The following SLC23A2 variants were observed in gnomAD, a reference collection of about 807,000 sequenced individuals.
The protein encoded by SLC23A2 is Na(+)/L-ascorbic acid transporter 2.
A neutral mutation model predicts 73.3 loss-of-function variants in SLC23A2; 36 were observed. The observed-to-expected ratio is 0.49, with a 90% CI of 0.38 to 0.65. The LOEUF (loss-of-function observed/expected upper bound fraction) is 0.65. SLC23A2 is among the 30% of genes least tolerant of loss of function. The pLI, the probability that SLC23A2 is intolerant of heterozygous loss-of-function variation, is 0.00. For missense variants in SLC23A2, 507 were observed against 841.6 expected (o/e 0.60, Z 4.92); for synonymous variants, 343 against 327.3 (o/e 1.05, Z -0.52).
At chr20:4,905,393 G>A (rs935614982) in intron 4 of SLC23A2, among the ~76,000 whole-genome samples, 11 of 152,288 alleles carry the variant, frequency 7.2e-5, no homozygotes, top group African/African-American at 2.4e-4. Context: ...TGCACTCTAC[G>A]CACTGTGGCG....
At chr20:4,879,753 T>A (rs73599326) in intron 9 of SLC23A2, among the ~76,000 whole-genome samples, 2,272 of 152,310 alleles carry the variant, frequency 0.015, 49 homozygotes, top group African/African-American at 0.052. Context: ...TAATATTTGA[T>A]CATCTGTGAA....
intron 4 of SLC23A2, among the ~76,000 whole-genome samples, chr20:4,911,487 T>C (rs1258926752): frequency 6.6e-6 from 1 of 152,240 alleles, no homozygotes; most frequent in Non-Finnish European, 1.5e-5. Flanking sequence ...CTCACCATGC[T>C]AATACCCAAC....
upstream of SLC23A2, among the ~76,000 whole-genome samples, chr20:5,003,963 C>A (rs1019729104): frequency 6.6e-6 from 1 of 152,090 alleles, no homozygotes; most frequent in African/African-American, 2.4e-5. Flanking sequence ...TATCCATACA[C>A]CCCCCTTCCC....
chr20:4,996,113 A>G (rs1054237402), intron 1 of SLC23A2, among the ~76,000 whole-genome samples: 4 of 152,148 alleles, frequency 2.6e-5, no homozygotes, highest in African/African-American at 4.8e-5. Context: ...AAAGTGCCCA[A>G]TGCATAATCA....
rs377650981 is a variant in SLC23A2 at position 4,989,699 on chromosome 20, TAA to T, written c.-282+11705_-282+11706del. On this transcript the variant is annotated intron_variant, in intron 1 of 16. Coordinates refer to ENST00000338244, the MANE Select transcript of SLC23A2 (RefSeq NM_005116.6). ...AAAAAAAAAAAATTTGCATATGAAA[TAA>T]AGTTTTGACTGCAACCCATGACATG... Among the ~76,000 whole-genome samples, 713 of 151,862 alleles carry T rather than the reference TAA, an allele frequency of 4.7e-3. 2 individuals carry two copies. The highest frequency in any genetic ancestry group is 0.016 in the African/African-American group (675 of 41,390).
rs117938718 is a variant in SLC23A2 at position 4,867,914 on chromosome 20, T to C, written c.1251-39A>G. On this transcript the variant is annotated intron_variant, in intron 12 of 16. Transcript: ENST00000338244. ...GAATGGAGGAAAGAAAATCATTCAA[T>C]GGGATAATGCATTCACTCTGAAATA... 2.8e-3 allele frequency: 3,308 copies of C among 1,166,450 alleles called. 10 individuals are homozygous for C. Among genetic ancestry groups the C allele is most frequent in the Non-Finnish European group, 3.7e-3 (2,832 of 774,930 alleles). The allele number at this position is 1,166,450 out of a possible 1,614,324, so 72.3% of individuals were successfully genotyped here. A position where few individuals can be genotyped will look rare whatever the true frequency, so the allele number is the denominator to read the frequency against.
At position 4,965,721 on chromosome 20, in the gene SLC23A2, C is replaced by T. The variant is rs180874123; in HGVS notation, c.-155+5072G>A. On this transcript the variant is annotated intron_variant, in intron 2 of 16. Transcript: ENST00000338244. ...GTGGCTCAAGCCTGTAATCCCAGCACTTTGGGAGGCCAAGGGAGGCAGATC... is the reference window on the plus strand; with the variant it reads ...GTGGCTCAAGCCTGTAATCCCAGCATTTTGGGAGGCCAAGGGAGGCAGATC... Among the ~76,000 whole-genome samples, 964 of 152,250 alleles carry T rather than the reference C, an allele frequency of 6.3e-3. 46 individuals are homozygous for T. In the South Asian group the frequency reaches 0.14, roughly 22 times the overall value.
chr20:4,907,814 A>C (rs2122884747), intron 4 of SLC23A2, among the ~76,000 whole-genome samples: 1 of 152,270 alleles, frequency 6.6e-6, no homozygotes, highest in Admixed American at 6.5e-5. Flanking sequence ...TCAATGGATT[A>C]ATGAAAAAAT....
intron 2 of SLC23A2, among the ~76,000 whole-genome samples, chr20:4,937,539 C>T (rs1350996218): frequency 6.6e-6 from 1 of 152,148 alleles, no homozygotes; most frequent in Non-Finnish European, 1.5e-5. Context: ...AAATAAATGA[C>T]AGTTATTTCT....
At chr20:5,007,161 A>G (rs1344562103) in intron 1 of SLC23A2, among the ~76,000 whole-genome samples, 2 of 151,966 alleles carry the variant, frequency 1.3e-5, no homozygotes, top group African/African-American at 4.8e-5. Context: ...GCTTGCTTTT[A>G]TTTTTTTTGA....
In SLC23A2 at chr20:4,879,026, C is replaced by T. The variant is rs776737483; in HGVS notation, c.825-4330G>A. Among the ~76,000 whole-genome samples, 10 of 152,282 alleles carry T rather than the reference C, an allele frequency of 6.6e-5. 1 individual carries two copies. In the South Asian group the frequency reaches 1.4e-3, roughly 22 times the overall value. On this transcript the variant is annotated intron_variant, in intron 9 of 16. Transcript: ENST00000338244. Reference sequence around the variant, plus strand: ...AATGATACCCGTGATAATAAACAAGCTTATTTAAGTTCCTGACTTCAAAAG... The same window carrying T: ...AATGATACCCGTGATAATAAACAAGTTTATTTAAGTTCCTGACTTCAAAAG...
rs548684799 is a variant in SLC23A2, at chr20:4,933,488, G to C, written c.-154-772C>G. On this transcript the variant is annotated intron_variant, in intron 2 of 16. Coordinates refer to ENST00000338244, the MANE Select transcript of SLC23A2 (RefSeq NM_005116.6). Reference sequence around the variant, plus strand: ...TAATAATAATACAAAAATCAGCCAGGAGTGGTGGTGCACGCCTGTAATCCC... The same window carrying C: ...TAATAATAATACAAAAATCAGCCAGCAGTGGTGGTGCACGCCTGTAATCCC... Among the ~76,000 whole-genome samples the C allele has an allele frequency of 1.1e-3, 163 of 152,132 alleles. 1 individual carries two copies. The highest frequency in any genetic ancestry group is 3.1e-3 in the African/African-American group (127 of 41,494).
At chr20:4,873,022 T>C (rs1189848632) in intron 11 of SLC23A2, among the ~76,000 whole-genome samples, 4 of 152,220 alleles carry the variant, frequency 2.6e-5, no homozygotes, top group Admixed American at 2.0e-4. Flanking sequence ...CCCAAAGTGC[T>C]GGGGTTACAG....
At chr20:4,940,458 T>C (rs2087022887) in intron 2 of SLC23A2, among the ~76,000 whole-genome samples, 1 of 151,608 alleles carries the variant, frequency 6.6e-6, no homozygotes, top group African/African-American at 2.4e-5. Context: ...CTATTAGTCA[T>C]TAAAAAAAAA....
At chr20:4,915,939 C>A (rs1029192975) in intron 3 of SLC23A2, among the ~76,000 whole-genome samples, 1 of 152,098 alleles carries the variant, frequency 6.6e-6, no homozygotes, top group Admixed American at 6.5e-5. Context: ...CAGAGCGAGA[C>A]TCCATCTCAA....
At chr20:4,859,945 G>T (rs6052942) in intron 15 of SLC23A2, among the ~76,000 whole-genome samples, 55,408 of 152,050 alleles carry the variant, frequency 0.36, 13,486 homozygotes, top group African/African-American at 0.7. Context: ...CTTTCCATCC[G>T]GAAGATAGAA....
chr20:4,983,203 A>C (rs2087754242), intron 1 of SLC23A2, among the ~76,000 whole-genome samples: 1 of 152,246 alleles, frequency 6.6e-6, no homozygotes, highest in Admixed American at 6.5e-5. Flanking sequence ...CTAAAACTAT[A>C]AAATTCTTAG....
intron 12 of SLC23A2, chr20:4,869,684 T>C: frequency 2.0e-6 from 1 of 489,180 alleles, no homozygotes. Flanking sequence ...AGGAATTCCG[T>C]TCCACGTCAT....
intron 1 of SLC23A2, among the ~76,000 whole-genome samples, chr20:5,006,933 A>C: frequency 6.8e-6 from 1 of 147,664 alleles, no homozygotes. Context: ...CAGGACCAAG[A>C]CCTGCCTGAA....
Sources: allele counts gnomAD v4.1 joint callset (sites outside exome capture counted in the v4.1 genomes callset), GRCh38; gene constraint gnomAD v4.1.1; transcripts MANE v1.5; gene names NCBI Gene and HGNC (gene_info 2026-07-23, HGNC 2026-07-21).